HMGXB4: variants seen among roughly 807,000 people sequenced by gnomAD.
HMGXB4 encodes HMG-box containing 4.
HMGXB4 carries 27 observed loss-of-function variants against 63.9 expected under a neutral mutation model. The ratio of observed to expected loss-of-function variants is 0.42; its 90% CI spans 0.31 to 0.58. HMGXB4 has a LOEUF of 0.58. Ranked by LOEUF, HMGXB4 falls within the 20% of genes least tolerant of loss-of-function variation. The pLI is 0.13. For missense variants in HMGXB4, 624 were observed against 700.7 expected (o/e 0.89, Z 1.24); for synonymous variants, 264 against 265.3 (o/e 0.99, Z 0.05).
intron 9 of HMGXB4, among the ~76,000 whole-genome samples, chr22:35,290,524 G>T (rs1433276492): frequency 1.3e-5 from 2 of 151,118 alleles, no homozygotes; most frequent in African/African-American, 4.9e-5. Context: ...GGGCGCCTGT[G>T]AGAGGCTGAG....
intron 3 of HMGXB4, 43 bp downstream of exon 3, chr22:35,263,269 A>G: frequency 8.9e-6 from 12 of 1,353,482 alleles, no homozygotes; most frequent in Non-Finnish European, 1.2e-5. Context: ...TAAACTACTC[A>G]TTTTTTTTTG....
chr22:35,245,249 G>A, the HMGXB4 span, among the ~76,000 whole-genome samples: 41 of 150,930 alleles, frequency 2.7e-4, 1 homozygote, highest in African/African-American at 9.0e-4. Flanking sequence ...CCATTCTGCC[G>A]TTGAGCTCAT....
At chr22:35,284,129 G>C (rs1924429545) in intron 6 of HMGXB4, 86 bp downstream of exon 6, 3 of 948,336 alleles carry the variant, frequency 3.2e-6, no homozygotes, top group South Asian at 1.4e-5. Context: ...TGTAGCATTA[G>C]AGCATAAATC....
chr22:35,283,893 T>C (rs1924413148), intron 5 of HMGXB4, 69 bp from the exon 6 acceptor site: 3 of 1,102,180 alleles, frequency 2.7e-6, no homozygotes, highest in Admixed American at 1.8e-5. Flanking sequence ...TTTATTACTA[T>C]GGATTCAGGG....
the HMGXB4 span, among the ~76,000 whole-genome samples, chr22:35,243,583 A>T: frequency 6.6e-6 from 1 of 150,876 alleles, no homozygotes. Flanking sequence ...GTCTCACTCC[A>T]CCCAGGCTGG....
upstream of HMGXB4, among the ~76,000 whole-genome samples, chr22:35,255,761 G>A (rs1392515423): frequency 6.6e-6 from 1 of 152,234 alleles, no homozygotes; most frequent in African/African-American, 2.4e-5. Context: ...ATGGGTTTCT[G>A]TCACAACTGA....
intron 1 of HMGXB4, among the ~76,000 whole-genome samples, chr22:35,258,983 C>T (rs1922655678): frequency 6.6e-6 from 1 of 152,194 alleles, no homozygotes; most frequent in Non-Finnish European, 1.5e-5. Context: ...CAAAAAAAGT[C>T]TGAAACCTGT....
intron 5 of HMGXB4, among the ~76,000 whole-genome samples, chr22:35,282,394 C>T (rs529378513): frequency 2.4e-4 from 37 of 152,080 alleles, no homozygotes; most frequent in South Asian, 2.1e-4. Flanking sequence ...GCCAGGATGA[C>T]CTCGTGATCT....
chr22:35,291,605 C>G lies in HMGXB4; in HGVS notation c.1639-1387C>G, dbSNP rs1924938702. Among the ~76,000 whole-genome samples, 5 of 152,144 alleles carry G rather than the reference C, an allele frequency of 3.3e-5. No individual in the cohort carries two copies. In the South Asian group the frequency reaches 1.0e-3, roughly 32 times the overall value. On this transcript the variant is annotated intron_variant, in intron 9 of 10. Transcript: ENST00000216106. ...GGAAATGGAACAATATTACTAATTA[C>G]TGACATTTTTGGGGTTTTAGCTATT...
At chr22:35,243,814 C>T in the HMGXB4 span, among the ~76,000 whole-genome samples, 4 of 152,128 alleles carry the variant, frequency 2.6e-5, no homozygotes, top group Non-Finnish European at 5.9e-5. Flanking sequence ...AAAGTGCTGG[C>T]ATTACAGGTG....
chr22:35,243,961 T>C, the HMGXB4 span, among the ~76,000 whole-genome samples: 1 of 152,240 alleles, frequency 6.6e-6, no homozygotes, highest in Non-Finnish European at 1.5e-5. Context: ...AGATAAACAT[T>C]TTTCCCTGGC....
chr22:35,244,128 T>C, the HMGXB4 span, among the ~76,000 whole-genome samples: 1 of 152,156 alleles, frequency 6.6e-6, no homozygotes, highest in African/African-American at 2.4e-5. Context: ...CAGCAATTAT[T>C]TCTTCATATA....
intron 9 of HMGXB4, 96 bp from the exon 10 acceptor site, chr22:35,292,896 G>A: frequency 2.1e-6 from 3 of 1,437,004 alleles, no homozygotes; most frequent in Non-Finnish European, 2.9e-6. Context: ...AATTATAAGA[G>A]TAGAACTGCC....
chr22:35,271,265 C>T (rs1923587877), intron 5 of HMGXB4, among the ~76,000 whole-genome samples: 1 of 151,930 alleles, frequency 6.6e-6, no homozygotes, highest in Non-Finnish European at 1.5e-5. Flanking sequence ...CAAAGTCCAC[C>T]CAGAGATAGA....
Position 35,285,978 on chromosome 22 carries a change from T to C in HMGXB4, c.1298-19T>C, listed in dbSNP as rs201704163. On this transcript the variant is annotated intron_variant, in intron 6 of 10. Coordinates refer to ENST00000216106, the MANE Select transcript of HMGXB4 (RefSeq NM_001003681.3). ...AGCTAACCCTTTACTGTATTGAGTG[T>C]TTTACTCTTTTATGCCAGATTTTGG... 41 of 1,591,642 alleles carry C rather than the reference T, an allele frequency of 2.6e-5. No homozygotes were observed. Among genetic ancestry groups the C allele is most frequent in the Middle Eastern group, 2.1e-4 (1 of 4,710 alleles).
chr22:35,259,880 A>C (rs1457352485), intron 1 of HMGXB4, among the ~76,000 whole-genome samples: 1 of 152,232 alleles, frequency 6.6e-6, no homozygotes, highest in Non-Finnish European at 1.5e-5. Context: ...GGTAGACCTA[A>C]TATATGTAAT....
chr22:35,253,906 A>G (rs929148205), upstream of HMGXB4, among the ~76,000 whole-genome samples: 2 of 152,214 alleles, frequency 1.3e-5, no homozygotes, highest in African/African-American at 4.8e-5. Flanking sequence ...AATTTAGGGC[A>G]TACACACAGA....
At chr22:35,254,400 A>G (rs1056030473), upstream of HMGXB4, among the ~76,000 whole-genome samples, 29 of 152,262 alleles carry the variant, frequency 1.9e-4, no homozygotes, top group African/African-American at 7.0e-4. Context: ...GTACAGAGGA[A>G]GCACTTGAAT....
intron 5 of HMGXB4, among the ~76,000 whole-genome samples, chr22:35,273,295 T>A (rs185674623): frequency 6.6e-6 from 1 of 152,360 alleles, no homozygotes; most frequent in East Asian, 1.9e-4. Context: ...AGCTATAATC[T>A]TTCCACTATG....
Sources: gnomAD v4.1 joint callset for allele counts (sites outside exome capture counted in the v4.1 genomes callset) on GRCh38, gnomAD v4.1.1 for gene constraint, MANE v1.5 for transcripts, NCBI Gene and HGNC (gene_info 2026-07-23, HGNC 2026-07-21) for gene names.